VWC2L: variants seen among roughly 807,000 people sequenced by gnomAD.
VWC2L encodes the protein von Willebrand factor C domain-containing protein 2-like.
In VWC2L, 10 loss-of-function variants were observed where a neutral mutation model predicts 21.6. That is an observed-to-expected ratio of 0.46 (90% confidence interval 0.29 to 0.78). The LOEUF is 0.78. VWC2L is among the 30% of genes least tolerant of loss of function. The pLI is 0.10. For synonymous variants in VWC2L, 96 were observed against 94.3 expected, an observed-to-expected ratio of 1.02 and a Z score of -0.10; for missense variants, 209 against 277.1, an observed-to-expected ratio of 0.75 and a Z score of 1.74.
chr2:214,430,854 A>G (rs1466604271), intron 2 of VWC2L, among the ~76,000 whole-genome samples: 1 of 151,986 alleles, frequency 6.6e-6, no homozygotes, highest in Non-Finnish European at 1.5e-5. Flanking sequence ...GCTTTTTTTT[A>G]TTTGCTTCCT....
chr2:214,416,621 G>C (rs991703637), intron 2 of VWC2L, among the ~76,000 whole-genome samples: 1 of 151,962 alleles, frequency 6.6e-6, no homozygotes, highest in Non-Finnish European at 1.5e-5. Context: ...TCTAAATGCT[G>C]CCATTCTAAC....
chr2:214,500,382 G>A (rs1024280433), intron 3 of VWC2L, among the ~76,000 whole-genome samples: 4 of 152,188 alleles, frequency 2.6e-5, no homozygotes, highest in Admixed American at 6.5e-5. Flanking sequence ...GGGCTCTATG[G>A]TATCATCAAC....
intron 3 of VWC2L, among the ~76,000 whole-genome samples, chr2:214,550,027 G>C (rs1689768789): frequency 6.6e-6 from 1 of 152,072 alleles, no homozygotes. Context: ...CTGGTACAAA[G>C]AGACAAACCC....
intron 3 of VWC2L, among the ~76,000 whole-genome samples, chr2:214,540,890 A>C (rs964334677): frequency 3.9e-5 from 6 of 152,192 alleles, no homozygotes; most frequent in African/African-American, 1.2e-4. Flanking sequence ...GCTCTTCTTC[A>C]GGCAACACAT....
At chr2:214,567,573 C>CAGAGAGAGAGAGAG (rs1191168160) in intron 3 of VWC2L, among the ~76,000 whole-genome samples, 2 of 141,916 alleles carry the variant, frequency 1.4e-5, no homozygotes, top group African/African-American at 2.8e-5. Context: ...CACACACACA[C>CAGAGAGAGAGAGAG]ACACACACAC....
chr2:214,566,010 T>C (rs545167631), intron 3 of VWC2L, among the ~76,000 whole-genome samples: 3 of 152,258 alleles, frequency 2.0e-5, no homozygotes, highest in Non-Finnish European at 4.4e-5. Context: ...GTAAAATGGG[T>C]GTTACAGGAA....
At chr2:214,497,088 G>C (rs1308064216) in intron 3 of VWC2L, among the ~76,000 whole-genome samples, 1 of 152,108 alleles carries the variant, frequency 6.6e-6, no homozygotes, top group Non-Finnish European at 1.5e-5. Context: ...ATTTCAAAAG[G>C]TTGAATAAGC....
rs1183909395 is a variant in VWC2L, at chr2:214,577,567, T to A, written c.*1747T>A. The A allele has an allele frequency of 6.6e-6, 1 of 152,280 alleles. No homozygotes were observed. The highest frequency in any genetic ancestry group is 1.5e-5 in the Non-Finnish European group (1 of 68,130). The allele number at this position is 152,280 out of a possible 1,614,324, so 9.4% of individuals were successfully genotyped here. On this transcript the variant is annotated 3_prime_UTR_variant, in exon 4 of 4. Coordinates refer to ENST00000312504, the MANE Select transcript of VWC2L (RefSeq NM_001080500.4). ...GGCAGGGGACACAGTAGGCAAGCTC[T>A]AGCAGCACCTGTGGCTTTTGTGAGC...
intron 3 of VWC2L, among the ~76,000 whole-genome samples, chr2:214,507,837 G>C (rs1302396670): frequency 6.6e-6 from 1 of 152,086 alleles, no homozygotes; most frequent in Non-Finnish European, 1.5e-5. Context: ...CTGGGGAATG[G>C]GTTTCAAGGA....
intron 3 of VWC2L, among the ~76,000 whole-genome samples, chr2:214,520,844 T>C (rs537766973): frequency 6.6e-6 from 1 of 152,272 alleles, no homozygotes; most frequent in Admixed American, 6.5e-5. Flanking sequence ...AGTGTAAACA[T>C]TTTTAGCATC....
In VWC2L at chr2:214,436,564, C is replaced by A. The variant is rs544290318; in HGVS notation, c.391-65C>A. On this transcript the variant is annotated intron_variant, in intron 2 of 3. Coordinates refer to ENST00000312504, the MANE Select transcript of VWC2L (RefSeq NM_001080500.4). ...TAAGCACTGATGTTTTGTCTTCTGA[C>A]AGCATATGAATGTGCAAGCATTAAG... 10 of 1,573,176 alleles carry A rather than the reference C, an allele frequency of 6.4e-6. No individual in the cohort carries two copies. The African/African-American group carries it at 1.2e-4, about 19-fold the overall frequency.
intron 3 of VWC2L, among the ~76,000 whole-genome samples, chr2:214,553,806 C>T (rs1009596966): frequency 6.6e-6 from 1 of 151,970 alleles, no homozygotes. Context: ...TGCCCTTGGC[C>T]AAGGGGAAGG....
At chr2:214,491,217 T>C (rs1688741431) in intron 3 of VWC2L, among the ~76,000 whole-genome samples, 1 of 152,148 alleles carries the variant, frequency 6.6e-6, no homozygotes, top group Non-Finnish European at 1.5e-5. Context: ...GCATGGCAAA[T>C]GATATGGTAA....
intron 3 of VWC2L, among the ~76,000 whole-genome samples, chr2:214,515,880 G>A (rs1689134166): frequency 6.6e-6 from 1 of 152,116 alleles, no homozygotes; most frequent in Admixed American, 6.6e-5. Context: ...CTGGCCACAT[G>A]GCTAATTTTA....
intron 3 of VWC2L, among the ~76,000 whole-genome samples, chr2:214,571,711 C>T (rs1306484995): frequency 6.6e-6 from 1 of 152,084 alleles, no homozygotes; most frequent in Non-Finnish European, 1.5e-5. Flanking sequence ...CAGATAAGAC[C>T]GATATTCTCT....
At chr2:214,468,360 A>T (rs1703256165) in intron 3 of VWC2L, among the ~76,000 whole-genome samples, 1 of 152,176 alleles carries the variant, frequency 6.6e-6, no homozygotes, top group Non-Finnish European at 1.5e-5. Context: ...GAGGAAAACT[A>T]GGGTTAAAAA....
At chr2:214,469,702 C>T (rs1242005897) in intron 3 of VWC2L, among the ~76,000 whole-genome samples, 1 of 152,074 alleles carries the variant, frequency 6.6e-6, no homozygotes, top group African/African-American at 2.4e-5. Context: ...TAAAATATCA[C>T]CTTGAAAGGC....
At position 214,414,431 on chromosome 2, in the gene VWC2L, C is replaced by G. The variant is rs1004663043; in HGVS notation, c.238C>G (p.Leu80Val). 1.9e-6 allele frequency: 3 copies of G among 1,613,528 alleles called. No homozygotes were observed. Among genetic ancestry groups the G allele is most frequent in the Admixed American group, 1.7e-5 (1 of 59,938 alleles). ...GHSNCPCVCALDGPVCDQPEC... is the reference protein window; with the variant it reads ...GHSNCPCVCAVDGPVCDQPEC... ...TTCCAACTGTCCATGTGTCTGTGCT[C>G]TAGATGGACCTGTTTGCGACCAACC... Residue 80 changes from leucine to valine, a missense_variant, in exon 2 of 4, where the codon CTA becomes GTA. Transcript: ENST00000312504.
In VWC2L at chr2:214,503,208, TC is replaced by T. The variant is rs1688919770; in HGVS notation, c.520+66451del. Among the ~76,000 whole-genome samples the T allele has an allele frequency of 5.3e-5, 8 of 152,298 alleles. No individual in the cohort carries two copies. The South Asian group carries it at 1.7e-3, about 32-fold the overall frequency. On this transcript the variant is annotated intron_variant, in intron 3 of 3. Coordinates refer to ENST00000312504, the MANE Select transcript of VWC2L (RefSeq NM_001080500.4). The stretch of plus-strand genomic sequence containing the variant: ...TGTTAGGGAAAGAAAACATTTAGCA[TC>T]TAAATCTTCAAAATATTAAGATTAC...
Sources: gnomAD v4.1 joint callset for allele counts (sites outside exome capture counted in the v4.1 genomes callset) on GRCh38, gnomAD v4.1.1 for gene constraint, MANE v1.5 for transcripts, NCBI Gene and HGNC (gene_info 2026-07-23, HGNC 2026-07-21) for gene names.